The following PTPRN2 variants were observed in gnomAD, a reference collection of about 807,000 sequenced individuals.
The protein encoded by PTPRN2 is protein tyrosine phosphatase receptor type N2, also known as receptor-type tyrosine-protein phosphatase N2.
In PTPRN2, 74 loss-of-function variants were observed where a neutral mutation model predicts 118.8. The ratio of observed to expected loss-of-function variants is 0.62; its 90% CI spans 0.52 to 0.76. The LOEUF (loss-of-function observed/expected upper bound fraction) is 0.76, where lower values mean the gene tolerates loss of function less well. Among genes scored for constraint, PTPRN2 ranks in the 30% least tolerant of loss-of-function variants. The pLI is 0.00. For missense variants in PTPRN2, 1,481 were observed against 1,394.4 expected (o/e 1.06, Z -0.99); for synonymous variants, 641 against 608.0 (o/e 1.05, Z -0.80).
chr7:157,812,881 G>A (rs537089083), intron 12 of PTPRN2, among the ~76,000 whole-genome samples: 324 of 152,232 alleles, frequency 2.1e-3, no homozygotes, highest in Non-Finnish European at 3.9e-3. Flanking sequence ...GCAAACCGGG[G>A]TTAGGATGTG....
chr7:158,499,518 A>T (rs1822196422), intron 1 of PTPRN2, among the ~76,000 whole-genome samples: 1 of 152,222 alleles, frequency 6.6e-6, no homozygotes, highest in African/African-American at 2.4e-5. Flanking sequence ...GGCCAGGCCC[A>T]GTGGCTCACG....
chr7:157,818,533 G>A (rs1806584755), intron 12 of PTPRN2, among the ~76,000 whole-genome samples: 1 of 152,110 alleles, frequency 6.6e-6, no homozygotes, highest in African/African-American at 2.4e-5. Flanking sequence ...GGCGTGGCCT[G>A]AGCCAAGGAG....
intron 11 of PTPRN2, among the ~76,000 whole-genome samples, chr7:157,905,057 T>C (rs1208587334): frequency 6.6e-6 from 1 of 152,150 alleles, no homozygotes. Context: ...GTTGGTGGAA[T>C]TGTGACAGGT....
intron 6 of PTPRN2, among the ~76,000 whole-genome samples, chr7:158,164,601 T>G (rs1822759156): frequency 6.6e-6 from 1 of 152,126 alleles, no homozygotes. Context: ...CTCTGTGAGC[T>G]CACCCTCACC....
At chr7:158,309,642 A>T (rs150261097) in intron 3 of PTPRN2, among the ~76,000 whole-genome samples, 2 of 152,226 alleles carry the variant, frequency 1.3e-5, no homozygotes. Flanking sequence ...CGGACATAAA[A>T]ATTCTCAACG....
chr7:158,463,275 C>A (rs933490260), intron 2 of PTPRN2, among the ~76,000 whole-genome samples: 2 of 152,092 alleles, frequency 1.3e-5, no homozygotes, highest in African/African-American at 4.8e-5. Context: ...TCATTTCTGT[C>A]CCCCACCCCA....
chr7:158,180,558 C>T (rs763666735), intron 5 of PTPRN2, among the ~76,000 whole-genome samples: 1 of 152,164 alleles, frequency 6.6e-6, no homozygotes, highest in Non-Finnish European at 1.5e-5. Context: ...TCATGAAATT[C>T]TTCCAATCCA....
intron 17 of PTPRN2, among the ~76,000 whole-genome samples, chr7:157,588,580 G>A (rs1301315527): frequency 3.9e-5 from 6 of 152,358 alleles, no homozygotes; most frequent in African/African-American, 9.6e-5. Flanking sequence ...TTGCTTCCCC[G>A]TGGGGAAGTC....
chr7:157,746,986 G>A (rs1800989925), intron 12 of PTPRN2, among the ~76,000 whole-genome samples: 3 of 150,440 alleles, frequency 2.0e-5, no homozygotes, highest in African/African-American at 7.4e-5. Context: ...GGCTGTTGAG[G>A]CGATTCTGAG....
At chr7:157,771,838 C>T (rs1247895298) in intron 12 of PTPRN2, among the ~76,000 whole-genome samples, 1 of 148,142 alleles carries the variant, frequency 6.8e-6, no homozygotes, top group Non-Finnish European at 1.5e-5. Context: ...CACACAGACA[C>T]AAGACACAAA....
At chr7:157,707,060 GA>G (rs756716833) in intron 12 of PTPRN2, among the ~76,000 whole-genome samples, 5 of 152,228 alleles carry the variant, frequency 3.3e-5, no homozygotes, top group Non-Finnish European at 5.9e-5. Context: ...ACAGATGAAG[GA>G]CACAGAAAAC....
chr7:157,997,277 C>T (rs1804824197), intron 11 of PTPRN2, among the ~76,000 whole-genome samples: 1 of 152,248 alleles, frequency 6.6e-6, no homozygotes, highest in South Asian at 2.1e-4. Context: ...GGCCTGGGCT[C>T]CCACTGAGGT....
chr7:158,187,385 C>T (rs192441906), intron 5 of PTPRN2, among the ~76,000 whole-genome samples: 38 of 152,214 alleles, frequency 2.5e-4, no homozygotes, highest in African/African-American at 7.7e-4. Flanking sequence ...CTTCAAAGAT[C>T]GTCAGTATAT....
intron 12 of PTPRN2, among the ~76,000 whole-genome samples, chr7:157,882,865 G>A (rs767455866): frequency 6.7e-6 from 1 of 148,328 alleles, no homozygotes; most frequent in African/African-American, 2.5e-5. Context: ...CAAAATGGCT[G>A]TTGGAGATCA....
At chr7:157,928,982 G>A (rs1177764879) in intron 11 of PTPRN2, among the ~76,000 whole-genome samples, 5 of 152,228 alleles carry the variant, frequency 3.3e-5, no homozygotes, top group African/African-American at 4.8e-5. Context: ...GCCACCCCAC[G>A]TCCAGAACGT....
chr7:157,615,533 G>C lies in PTPRN2; in HGVS notation c.2344+5829C>G, dbSNP rs1235326360. On this transcript the variant is annotated intron_variant, in intron 15 of 22. Transcript: ENST00000389418. The surrounding 1 kb of genome is among the most constrained non-coding windows in gnomAD (Gnocchi z 4.3). ...GACGGCTGGGGTGACCCCATCGCAA[G>C]GCCGGGCCGTGGAAACAATCTCAGC... The C allele has an allele frequency of 2.1e-6, 1 of 471,248 alleles. No homozygotes were observed. The highest frequency in any genetic ancestry group is 2.3e-5 in the Admixed American group (1 of 42,600). The allele number at this position is 471,248 out of a possible 1,614,324, so 29.2% of individuals were successfully genotyped here.
intron 12 of PTPRN2, among the ~76,000 whole-genome samples, chr7:157,807,984 A>T (rs376202949): frequency 1.4e-4 from 21 of 152,350 alleles, no homozygotes; most frequent in African/African-American, 5.1e-4. Flanking sequence ...GTGAGCTGAG[A>T]TCATTGGCTA....
chr7:158,204,105 G>C (rs1185074448), intron 4 of PTPRN2, among the ~76,000 whole-genome samples: 1 of 144,766 alleles, frequency 6.9e-6, no homozygotes. Context: ...CCCCGCCCTC[G>C]GTGTGCGCCG....
At position 157,922,498 on chromosome 7, in the gene PTPRN2, T is replaced by C. The variant is rs146825818; in HGVS notation, c.1724-23761A>G. Among the ~76,000 whole-genome samples, 87 of 152,294 alleles carry C rather than the reference T, an allele frequency of 5.7e-4. 1 individual carries two copies. Among genetic ancestry groups the C allele is most frequent in the African/African-American group, 1.9e-3 (81 of 41,560 alleles). ...AATTGAAAATTATGCAGAATTGGAATTGCATTGAAAATTATGGATGGAAAA... is the reference window on the plus strand; with the variant it reads ...AATTGAAAATTATGCAGAATTGGAACTGCATTGAAAATTATGGATGGAAAA... On this transcript the variant is annotated intron_variant, in intron 11 of 22. Coordinates refer to ENST00000389418, the MANE Select transcript of PTPRN2 (RefSeq NM_002847.5).
Sources: allele counts gnomAD v4.1 joint callset (sites outside exome capture counted in the v4.1 genomes callset), GRCh38; gene constraint gnomAD v4.1.1; non-coding constraint Gnocchi (gnomAD v3.1); transcripts MANE v1.5; gene names NCBI Gene and HGNC (gene_info 2026-07-23, HGNC 2026-07-21).